CD1B: variants seen among roughly 807,000 people sequenced by gnomAD.
CD1B encodes CD1b molecule.
A neutral mutation model predicts 39.8 loss-of-function variants in CD1B; 43 were observed. That is an observed-to-expected ratio of 1.08 (90% CI 0.85 to 1.39). CD1B has a LOEUF of 1.39. CD1B is among the 40% of genes most tolerant of loss of function. The pLI, the probability that CD1B is intolerant of heterozygous loss-of-function variation, is 0.00. For missense variants in CD1B, 495 were observed against 403.8 expected (o/e 1.23, Z -1.94); for synonymous variants, 192 against 152.5 (o/e 1.26, Z -1.91).
the CD1B span, among the ~76,000 whole-genome samples, chr1:158,318,181 G>A: frequency 3.3e-5 from 5 of 152,224 alleles, no homozygotes; most frequent in South Asian, 6.2e-4. Flanking sequence ...TATTAGGTCC[G>A]CTTGGGGCAG....
In CD1B at chr1:158,330,638, G is replaced by T. The variant is rs576385300; in HGVS notation, c.328+158C>A. The T allele has an allele frequency of 1.3e-3, 1,042 of 782,736 alleles. 8 individuals carry two copies. Among genetic ancestry groups the T allele is most frequent in the South Asian group, 8.1e-3 (592 of 72,644 alleles). The allele number at this position is 782,736 out of a possible 1,614,324, so 48.5% of individuals were successfully genotyped here. ...AAGAATCTGAAATATGAGGTGTGATGGTGTGAAGCTGGAGTGAGAGACTAC... is the reference window on the plus strand; with the variant it reads ...AAGAATCTGAAATATGAGGTGTGATTGTGTGAAGCTGGAGTGAGAGACTAC... On this transcript the variant is annotated intron_variant, in intron 2 of 5. Coordinates refer to ENST00000368168, the MANE Select transcript of CD1B (RefSeq NM_001764.3).
chr1:158,290,244 G>A, the CD1B span: 3 of 849,800 alleles, frequency 3.5e-6, no homozygotes, highest in South Asian at 5.3e-5. Flanking sequence ...CCTGTCTCCA[G>A]GTCCAGTTTA....
the CD1B span, chr1:158,291,947 G>C: frequency 2.4e-6 from 2 of 822,112 alleles, no homozygotes; most frequent in Non-Finnish European, 3.8e-6. Flanking sequence ...TCTTGTTTCT[G>C]ATCAAATATG....
the CD1B span, chr1:158,292,671 G>A: frequency 2.5e-6 from 4 of 1,613,948 alleles, no homozygotes; most frequent in Non-Finnish European, 3.4e-6. Flanking sequence ...CATGCCTCCG[G>A]CTTCTACCCA....
the CD1B span, among the ~76,000 whole-genome samples, chr1:158,316,572 T>G: frequency 6.6e-6 from 1 of 151,556 alleles, no homozygotes; most frequent in African/African-American, 2.4e-5. Context: ...GACAATGGGG[T>G]TTTCTAGATA....
the CD1B span, among the ~76,000 whole-genome samples, chr1:158,321,936 G>A: frequency 2.0e-4 from 30 of 151,894 alleles, no homozygotes; most frequent in Non-Finnish European, 3.7e-4. Context: ...CCACACTCAG[G>A]CCCCAGTGTG....
chr1:158,323,242 AT>A (rs201495701), downstream of CD1B, among the ~76,000 whole-genome samples: 2,078 of 149,464 alleles, frequency 0.014, 39 homozygotes, highest in African/African-American at 0.049. Context: ...GATTTCACTG[AT>A]TTTTTTTTCT....
the CD1B span, among the ~76,000 whole-genome samples, chr1:158,312,833 C>A: frequency 6.6e-6 from 1 of 152,058 alleles, no homozygotes; most frequent in Non-Finnish European, 1.5e-5. Context: ...ATTGTATGCC[C>A]CGTATTTCTT....
chr1:158,296,796 A>T, the CD1B span, among the ~76,000 whole-genome samples: 1 of 152,368 alleles, frequency 6.6e-6, no homozygotes, highest in Non-Finnish European at 1.5e-5. Flanking sequence ...AAAGAATTTT[A>T]TAATACAATT....
At chr1:158,301,676 T>C in the CD1B span, among the ~76,000 whole-genome samples, 2 of 152,224 alleles carry the variant, frequency 1.3e-5, no homozygotes, top group Non-Finnish European at 2.9e-5. Context: ...CTCATGGGCT[T>C]CCCTTTGTGG....
the CD1B span, chr1:158,293,517 C>G: frequency 5.6e-6 from 9 of 1,613,842 alleles, no homozygotes; most frequent in African/African-American, 1.1e-4. Flanking sequence ...AAGAACCCAG[C>G]AACCCAGGAG....
chr1:158,319,185 T>C, the CD1B span, among the ~76,000 whole-genome samples: 1 of 151,258 alleles, frequency 6.6e-6, no homozygotes, highest in South Asian at 2.1e-4. Context: ...GTGTTCTCTG[T>C]ATTTCCTGAA....
At chr1:158,292,779 A>G in the CD1B span, 8 of 1,614,204 alleles carry the variant, frequency 5.0e-6, no homozygotes, top group African/African-American at 1.1e-4. Flanking sequence ...TGGTATCTTC[A>G]GGTGATCCTG....
the CD1B span, among the ~76,000 whole-genome samples, chr1:158,308,689 C>T: frequency 0.012 from 1,872 of 152,202 alleles, 38 homozygotes; most frequent in African/African-American, 0.04. Context: ...TATCTATAAC[C>T]ATCTGATCTT....
chr1:158,313,488 T>C, the CD1B span, among the ~76,000 whole-genome samples: 1 of 152,100 alleles, frequency 6.6e-6, no homozygotes, highest in African/African-American at 2.4e-5. Context: ...TATTTGTACT[T>C]TTTTTAGAGA....
In CD1B at chr1:158,328,155, A is replaced by G. The variant is rs975409443; in HGVS notation, c.*81T>C. On this transcript the variant is annotated 3_prime_UTR_variant, in exon 6 of 6. Transcript: ENST00000368168. ...TCATCAAATTTGAAAATCATTTGAAATATGATAAGATTGACTTTTGGGCTG... is the reference window on the plus strand; with the variant it reads ...TCATCAAATTTGAAAATCATTTGAAGTATGATAAGATTGACTTTTGGGCTG... 1.0e-6 allele frequency: 1 copy of G among 1,001,932 alleles called. No homozygotes were observed. The allele number at this position is 1,001,932 out of a possible 1,614,324, so 62.1% of individuals were successfully genotyped here.
chr1:158,300,974 G>A, the CD1B span, among the ~76,000 whole-genome samples: 23 of 151,706 alleles, frequency 1.5e-4, no homozygotes, highest in Non-Finnish European at 3.2e-4. Context: ...TAGCCAGGAT[G>A]GTCTCAATTG....
At chr1:158,323,221 A>T (rs1168110134), downstream of CD1B, among the ~76,000 whole-genome samples, 2 of 151,882 alleles carry the variant, frequency 1.3e-5, no homozygotes, top group Non-Finnish European at 2.9e-5. Flanking sequence ...TATTTCAAAT[A>T]GTCTATCTTA....
the CD1B span, among the ~76,000 whole-genome samples, chr1:158,286,978 A>G: frequency 3.3e-5 from 5 of 152,110 alleles, no homozygotes; most frequent in Non-Finnish European, 7.4e-5. Context: ...TTGCTCCCCA[A>G]AGGCTCAGTC....
Sources: gnomAD v4.1 joint callset for allele counts (sites outside exome capture counted in the v4.1 genomes callset) on GRCh38, gnomAD v4.1.1 for gene constraint, MANE v1.5 for transcripts, NCBI Gene and HGNC (gene_info 2026-07-23, HGNC 2026-07-21) for gene names.